Variants in RANBP10 observed in about 807,000 individuals in gnomAD.
RANBP10 encodes RAN binding protein 10.
In RANBP10, 24 loss-of-function variants were observed where a neutral mutation model predicts 72.8. The observed-to-expected ratio is 0.33, with a 90% CI of 0.24 to 0.46. The LOEUF (loss-of-function observed/expected upper bound fraction) is 0.46, where lower values mean the gene tolerates loss of function less well. Among genes scored for constraint, RANBP10 ranks in the 20% least tolerant of loss-of-function variants. The pLI, the probability that RANBP10 is intolerant of heterozygous loss-of-function variation, is 1.00. For synonymous variants in RANBP10, 310 were observed against 322.3 expected (o/e 0.96, Z 0.41); for missense variants, 679 against 817.5 (o/e 0.83, Z 2.07).
At position 67,729,845 on chromosome 16, in the gene RANBP10, G is replaced by C; in HGVS notation, c.999-17C>G. 1 of 1,613,580 alleles carries C rather than the reference G, an allele frequency of 6.2e-7. No homozygotes were observed. The highest frequency in any genetic ancestry group is 8.5e-7 in the Non-Finnish European group (1 of 1,179,834). On this transcript the variant is annotated splice_polypyrimidine_tract_variant and intron_variant, in intron 8 of 13. Transcript: ENST00000317506. The surrounding 1 kb of genome is among the most constrained non-coding windows in gnomAD (Gnocchi z 7.1). ...TGCCGGCACCTGTGGAGGGAGCGGAGCAATAATGCTCTGGTTGTGGTCCAG... is the reference window on the plus strand; with the variant it reads ...TGCCGGCACCTGTGGAGGGAGCGGACCAATAATGCTCTGGTTGTGGTCCAG...
chr16:67,758,710 T>C (rs1003827997), intron 3 of RANBP10, among the ~76,000 whole-genome samples: 9 of 152,250 alleles, frequency 5.9e-5, no homozygotes, highest in African/African-American at 1.9e-4. Context: ...GATGAAACCT[T>C]TTCTATCAAA....
chr16:67,733,782 C>T (rs533967481), intron 6 of RANBP10, among the ~76,000 whole-genome samples: 178 of 152,296 alleles, frequency 1.2e-3, no homozygotes, highest in African/African-American at 3.9e-3. Context: ...ACCTGGGCAA[C>T]AAAGTGCGAC....
intron 3 of RANBP10, among the ~76,000 whole-genome samples, chr16:67,768,767 G>A (rs934419042): frequency 4.6e-5 from 7 of 152,132 alleles, no homozygotes; most frequent in African/African-American, 7.2e-5. Flanking sequence ...AACACATGGC[G>A]TAACAGACCA....
chr16:67,780,542 G>T lies in RANBP10; in HGVS notation c.348-8456C>A, dbSNP rs572691334. The stretch of plus-strand genomic sequence containing the variant: ...GCGGGAAGATCATTGGAAGCCAGGA[G>T]TGCAAGACCAGCCTAGACAACATAA... On this transcript the variant is annotated intron_variant, in intron 2 of 13. Coordinates refer to ENST00000317506, the MANE Select transcript of RANBP10 (RefSeq NM_020850.3). Among the ~76,000 whole-genome samples the T allele has an allele frequency of 2.6e-5, 4 of 152,230 alleles. No homozygotes were observed. The South Asian group carries it at 8.3e-4, about 32-fold the overall frequency.
In RANBP10 at chr16:67,725,702, G is replaced by A. The variant is rs1172515523; in HGVS notation, c.*726C>T. On this transcript the variant is annotated 3_prime_UTR_variant, in exon 14 of 14. Coordinates refer to ENST00000317506, the MANE Select transcript of RANBP10 (RefSeq NM_020850.3). ...CTCTGTCCAGCTCTCAGGGGCCTAG[G>A]GATCTACAGTTCTTGGGATGCTATA... 2 of 152,278 alleles carry A rather than the reference G, an allele frequency of 1.3e-5. No homozygotes were observed. Among genetic ancestry groups the A allele is most frequent in the East Asian group, 1.9e-4 (1 of 5,188 alleles). The allele number at this position is 152,278 out of a possible 1,614,324, so 9.4% of individuals were successfully genotyped here. A position where few individuals can be genotyped will look rare whatever the true frequency, so the allele number is the denominator to read the frequency against.
intron 2 of RANBP10, 34 bp downstream of exon 2, chr16:67,805,394 G>T: frequency 1.3e-6 from 2 of 1,577,314 alleles, no homozygotes; most frequent in South Asian, 1.1e-5. Flanking sequence ...TCAGCTCCAT[G>T]ATCAGGGAAA....
intron 2 of RANBP10, among the ~76,000 whole-genome samples, chr16:67,782,742 C>T (rs2054836649): frequency 6.7e-6 from 1 of 149,434 alleles, no homozygotes; most frequent in Admixed American, 6.7e-5. Context: ...CATAAGCCAC[C>T]GTGCTGGGCC....
chr16:67,766,220 T>C (rs574809600), intron 3 of RANBP10, among the ~76,000 whole-genome samples: 1 of 152,280 alleles, frequency 6.6e-6, no homozygotes, highest in Admixed American at 6.5e-5. Flanking sequence ...TACCAGGACC[T>C]TCATCTCTGT....
At chr16:67,792,761 A>G (rs1464383206) in intron 2 of RANBP10, among the ~76,000 whole-genome samples, 1 of 151,224 alleles carries the variant, frequency 6.6e-6, no homozygotes, top group East Asian at 1.9e-4. Context: ...CCAGCCTGGC[A>G]ACAGAGCAAG....
chr16:67,772,596 C>T (rs1055369415), intron 2 of RANBP10, among the ~76,000 whole-genome samples: 1 of 152,180 alleles, frequency 6.6e-6, no homozygotes, highest in Non-Finnish European at 1.5e-5. Flanking sequence ...TCTCAAAATT[C>T]ATTACCTTCC....
At chr16:67,789,477 CT>C (rs142471071) in intron 2 of RANBP10, among the ~76,000 whole-genome samples, 1 of 148,154 alleles carries the variant, frequency 6.7e-6, no homozygotes. Context: ...GACCATATTT[CT>C]TTTTTTTTTG....
intron 2 of RANBP10, among the ~76,000 whole-genome samples, chr16:67,799,318 C>T (rs1217995421): frequency 2.1e-5 from 3 of 142,672 alleles, no homozygotes; most frequent in African/African-American, 5.3e-5. Flanking sequence ...GACAGAGTCT[C>T]GCTCTGTTGC....
intron 3 of RANBP10, among the ~76,000 whole-genome samples, chr16:67,744,748 G>A (rs2143006010): frequency 6.6e-6 from 1 of 152,360 alleles, no homozygotes; most frequent in South Asian, 2.1e-4. Context: ...ACAAGGAGGT[G>A]GTCAAGGGAA....
intron 4 of RANBP10, among the ~76,000 whole-genome samples, chr16:67,742,861 G>A (rs1456132659): frequency 2.6e-5 from 4 of 152,346 alleles, no homozygotes; most frequent in East Asian, 3.9e-4. Flanking sequence ...GCAGAGTGGA[G>A]AGTGAAGAGC....
intron 12 of RANBP10, 43 bp from the exon 13 acceptor site, chr16:67,727,481 T>G (rs749345767): frequency 3.4e-5 from 52 of 1,547,382 alleles, no homozygotes; most frequent in Admixed American, 1.8e-5. Flanking sequence ...GCACACACCA[T>G]AGCTCACCCT....
intron 2 of RANBP10, among the ~76,000 whole-genome samples, chr16:67,793,308 A>AT (rs752769973): frequency 0.013 from 1,651 of 131,488 alleles, 18 homozygotes; most frequent in Non-Finnish European, 0.019. Context: ...CTGGCTTGTA[A>AT]TTTTTTTTTT....
In RANBP10 at chr16:67,772,090, CAAAAAAAAAA is replaced by C. The variant is rs35741053; in HGVS notation, c.348-14_348-5del. ...CGAGAGTCCTATTCCCATGTAACTTCAAAAAAAAAAAAAAAAAAAACACAAAATTTTTGGT... is the reference window on the plus strand; with the variant it reads ...CGAGAGTCCTATTCCCATGTAACTTCAAAAAAAAAACACAAAATTTTTGGT... On this transcript the variant is annotated splice_polypyrimidine_tract_variant and splice_region_variant and intron_variant, in intron 2 of 13. Transcript: ENST00000317506. The C allele has an allele frequency of 1.3e-5, 17 of 1,316,428 alleles. No individual in the cohort carries two copies. The highest frequency in any genetic ancestry group is 1.6e-5 in the South Asian group (1 of 62,024). 81.5% of individuals were successfully genotyped at this position (1,316,428 alleles called of 1,614,324 possible). A position where few individuals can be genotyped will look rare whatever the true frequency, so the allele number is the denominator to read the frequency against.
chr16:67,784,386 G>A (rs2054869416), intron 2 of RANBP10, among the ~76,000 whole-genome samples: 1 of 152,112 alleles, frequency 6.6e-6, no homozygotes, highest in South Asian at 2.1e-4. Flanking sequence ...GCCAGGCCTG[G>A]TGGCTCACGC....
At chr16:67,796,041 T>C (rs1269544230) in intron 2 of RANBP10, among the ~76,000 whole-genome samples, 1 of 150,700 alleles carries the variant, frequency 6.6e-6, no homozygotes, top group African/African-American at 2.4e-5. Flanking sequence ...CTCAGCCTCC[T>C]GAGTAGCTGG....
Sources: allele counts gnomAD v4.1 joint callset (sites outside exome capture counted in the v4.1 genomes callset), GRCh38; gene constraint gnomAD v4.1.1; non-coding constraint Gnocchi (gnomAD v3.1); transcripts MANE v1.5; gene names NCBI Gene and HGNC (gene_info 2026-07-23, HGNC 2026-07-21).